The following CAMTA1 variants were observed in gnomAD, a reference collection of about 807,000 sequenced individuals.
CAMTA1 encodes calmodulin binding transcription activator 1.
CAMTA1 carries 27 observed loss-of-function variants against 170.9 expected under a neutral mutation model. The ratio of observed to expected loss-of-function variants is 0.16; its 90% CI spans 0.12 to 0.22. The LOEUF is 0.22. Among genes scored for constraint, CAMTA1 ranks in the 10% least tolerant of loss-of-function variants. The probability of loss-of-function intolerance (pLI) is 1.00; values close to 1 mark genes in which losing one functional copy is unlikely to be tolerated. For missense variants in CAMTA1, 1,619 were observed against 2,217.2 expected (o/e 0.73, Z 5.42); for synonymous variants, 833 against 891.5 (o/e 0.93, Z 1.17).
rs1356651458 is a variant in CAMTA1, at chr1:7,718,240, C to G, written c.2915-14208C>G. Among the ~76,000 whole-genome samples, 10 of 152,158 alleles carry G rather than the reference C, an allele frequency of 6.6e-5. No individual in the cohort carries two copies. The South Asian group carries it at 2.1e-3, about 32-fold the overall frequency. ...GCGTTCCGTAAACACAGTGGGTGTT[C>G]CGTAAACACAGTGGGCGTTCCGTAA... On this transcript the variant is annotated intron_variant, in intron 11 of 22. Coordinates refer to ENST00000303635, the MANE Select transcript of CAMTA1 (RefSeq NM_015215.4).
chr1:6,860,632 G>T (rs1020472648), intron 3 of CAMTA1, among the ~76,000 whole-genome samples: 1 of 152,024 alleles, frequency 6.6e-6, no homozygotes, highest in Non-Finnish European at 1.5e-5. Flanking sequence ...TATCAGGGCC[G>T]GGCGCAATGA....
At chr1:6,914,839 GT>G (rs1680456842) in intron 3 of CAMTA1, among the ~76,000 whole-genome samples, 1 of 152,226 alleles carries the variant, frequency 6.6e-6, no homozygotes, top group Admixed American at 6.5e-5. Flanking sequence ...CCAGAAACAC[GT>G]TTTTGTCTCC....
At chr1:6,950,558 G>A (rs1688305704) in intron 3 of CAMTA1, among the ~76,000 whole-genome samples, 2 of 152,156 alleles carry the variant, frequency 1.3e-5, no homozygotes, top group Non-Finnish European at 2.9e-5. Context: ...CTGCAGGTGG[G>A]TGGCCAATCA....
chr1:7,757,636 G>A (rs1287887724), intron 22 of CAMTA1, among the ~76,000 whole-genome samples: 3 of 152,170 alleles, frequency 2.0e-5, no homozygotes, highest in South Asian at 2.1e-4. Context: ...CCATGGTGGC[G>A]TGTGCAGGAG....
chr1:6,819,643 C>A (rs1646262741), intron 1 of CAMTA1, among the ~76,000 whole-genome samples: 1 of 152,180 alleles, frequency 6.6e-6, no homozygotes, highest in Non-Finnish European at 1.5e-5. Context: ...CAGCACAGAC[C>A]TTTTCTCACA....
At chr1:6,956,758 T>C (rs182321270) in intron 3 of CAMTA1, among the ~76,000 whole-genome samples, 1 of 152,304 alleles carries the variant, frequency 6.6e-6, no homozygotes, top group East Asian at 1.9e-4. Flanking sequence ...AAGGGCTCAG[T>C]GTTGGCCCAT....
At chr1:7,309,410 G>A (rs571739497) in intron 5 of CAMTA1, among the ~76,000 whole-genome samples, 5 of 140,982 alleles carry the variant, frequency 3.5e-5, no homozygotes, top group African/African-American at 7.9e-5. Context: ...AGCAATTCTC[G>A]TGCCTCAGCC....
intron 5 of CAMTA1, among the ~76,000 whole-genome samples, chr1:7,415,056 T>A (rs1302003725): frequency 6.6e-6 from 1 of 152,110 alleles, no homozygotes; most frequent in African/African-American, 2.4e-5. Flanking sequence ...AGTTTCCATG[T>A]AGTTGAGCAG....
intron 5 of CAMTA1, among the ~76,000 whole-genome samples, chr1:7,326,405 C>A (rs2082679431): frequency 1.3e-5 from 2 of 152,222 alleles, no homozygotes; most frequent in Admixed American, 1.3e-4. Context: ...CCTCAAAAGA[C>A]ATATGCAAGT....
chr1:7,123,836 AC>A (rs1416110456), intron 4 of CAMTA1, among the ~76,000 whole-genome samples: 1 of 152,134 alleles, frequency 6.6e-6, no homozygotes, highest in Non-Finnish European at 1.5e-5. Flanking sequence ...CACAGTGAGA[AC>A]CAAGGCCTTG....
intron 5 of CAMTA1, among the ~76,000 whole-genome samples, chr1:7,368,591 C>T (rs763276210): frequency 2.0e-5 from 3 of 152,166 alleles, no homozygotes; most frequent in Admixed American, 6.5e-5. Flanking sequence ...CAGGAGTTCC[C>T]GCTGTGTGCA....
intron 4 of CAMTA1, among the ~76,000 whole-genome samples, chr1:7,126,539 G>A (rs1047307069): frequency 7.2e-5 from 11 of 152,046 alleles, no homozygotes; most frequent in Admixed American, 2.6e-4. Flanking sequence ...GTATTGATTG[G>A]GCAGTGACAT....
intron 3 of CAMTA1, among the ~76,000 whole-genome samples, chr1:7,047,179 G>T (rs1449976490): frequency 5.9e-5 from 9 of 152,200 alleles, no homozygotes; most frequent in Non-Finnish European, 1.2e-4. Context: ...CCCACAACAT[G>T]CAGGGGATGT....
intron 3 of CAMTA1, among the ~76,000 whole-genome samples, chr1:7,025,709 A>C (rs371439924): frequency 8.5e-5 from 13 of 152,346 alleles, no homozygotes; most frequent in Admixed American, 6.5e-4. Context: ...TGAGCAGCAC[A>C]CAGGTGACTA....
At chr1:7,467,356 G>A (rs2093235205) in intron 5 of CAMTA1, among the ~76,000 whole-genome samples, 1 of 152,164 alleles carries the variant, frequency 6.6e-6, no homozygotes, top group South Asian at 2.1e-4. Flanking sequence ...CCCCTGGTTG[G>A]GCTCGTACCG....
Position 7,205,203 on chromosome 1 carries a change from G to A in CAMTA1, c.303-44288G>A, listed in dbSNP as rs1003856295. ...GCTCACTGCAACCTCTGCCTCCTGG[G>A]TTCAAGCTATTTTCCTGCCTTACCC... On this transcript the variant is annotated intron_variant, in intron 4 of 22. Transcript: ENST00000303635. 2.0e-5 allele frequency among the ~76,000 whole-genome samples: 3 copies of A among 152,046 alleles called. No individual in the cohort carries two copies. In the East Asian group the frequency reaches 5.8e-4, roughly 29 times the overall value.
In CAMTA1 at chr1:7,768,955, A is replaced by T. The variant is rs972360011; in HGVS notation, c.*2464A>T. On this transcript the variant is annotated 3_prime_UTR_variant, in exon 23 of 23. Transcript: ENST00000303635. Reference sequence around the variant, plus strand: ...CCATTTATTATGGTACAAATAACTGATGTTTTAACCAGAGTAATGACCTCA... The same window carrying T: ...CCATTTATTATGGTACAAATAACTGTTGTTTTAACCAGAGTAATGACCTCA... 4 of 152,334 alleles carry T rather than the reference A, an allele frequency of 2.6e-5. No individual in the cohort carries two copies. Among genetic ancestry groups the T allele is most frequent in the Admixed American group, 1.3e-4 (2 of 15,254 alleles). The allele number at this position is 152,334 out of a possible 1,614,324, so 9.4% of individuals were successfully genotyped here.
intron 3 of CAMTA1, chr1:6,874,379 C>G (rs1333208767): frequency 6.6e-6 from 1 of 152,258 alleles, no homozygotes; most frequent in East Asian, 1.9e-4. Flanking sequence ...TGAGTTTCCC[C>G]CTCTTTAAAT....
chr1:7,671,993 T>C (rs533048067), intron 10 of CAMTA1: 31 of 456,012 alleles, frequency 6.8e-5, no homozygotes, highest in Non-Finnish European at 1.2e-4. Context: ...CTAGAGCTCA[T>C]GTCTTCTGCT....
Sources: allele counts gnomAD v4.1 joint callset (sites outside exome capture counted in the v4.1 genomes callset), GRCh38; gene constraint gnomAD v4.1.1; transcripts MANE v1.5; gene names NCBI Gene and HGNC (gene_info 2026-07-23, HGNC 2026-07-21).